PSD3: variants seen among roughly 807,000 people sequenced by gnomAD.
The protein encoded by PSD3 is PH and SEC7 domain-containing protein 3.
A neutral mutation model predicts 105.5 loss-of-function variants in PSD3; 49 were observed. The observed-to-expected ratio is 0.46, with a 90% CI of 0.37 to 0.59. The LOEUF is 0.59. PSD3 is among the 20% of genes least tolerant of loss of function. The pLI, the probability that PSD3 is intolerant of heterozygous loss-of-function variation, is 0.00. For missense variants in PSD3, 1,561 were observed against 1,263.8 expected, an observed-to-expected ratio of 1.24 and a Z score of -3.57; for synonymous variants, 557 against 457.8, an observed-to-expected ratio of 1.22 and a Z score of -2.77.
chr8:19,072,120 G>C (rs11314291), intron 1 of PSD3, among the ~76,000 whole-genome samples: 61,360 of 130,914 alleles, frequency 0.47, 13,497 homozygotes, highest in East Asian at 0.74. Flanking sequence ...TTTTTTTTTT[G>C]TGACGGAGTC....
rs1215460486 is a variant in PSD3 at position 18,616,623 on chromosome 8, C to CTTTTT, written c.2410+15989_2410+15990insAAAAA. The stretch of plus-strand genomic sequence containing the variant: ...GCCAGGCCTCATCTTCCTCTCTTTT[C>CTTTTT]TTTTCTTTTTTTTTTTTTGAGACGG... On this transcript the variant is annotated intron_variant, in intron 11 of 15. Coordinates refer to ENST00000327040, the MANE Select transcript of PSD3 (RefSeq NM_015310.4). 7.3e-4 allele frequency among the ~76,000 whole-genome samples: 72 copies of CTTTTT among 98,510 alleles called. 3 individuals carry two copies. The highest frequency in any genetic ancestry group is 1.4e-3 in the East Asian group (5 of 3,516). The allele number at this position is 98,510 out of a possible 152,430, so 64.6% of individuals were successfully genotyped here.
chr8:18,624,615 A>C (rs181845704), intron 11 of PSD3, among the ~76,000 whole-genome samples: 1 of 149,308 alleles, frequency 6.7e-6, no homozygotes, highest in African/African-American at 2.5e-5. Flanking sequence ...GCAGCACACC[A>C]GCATGGCACA....
chr8:19,071,821 T>C (rs1829274382), intron 1 of PSD3, among the ~76,000 whole-genome samples: 1 of 152,120 alleles, frequency 6.6e-6, no homozygotes, highest in African/African-American at 2.4e-5. Context: ...GAGATTCTCC[T>C]GCCTCACCCT....
At chr8:18,920,017 TAAA>T (rs11288084) in intron 2 of PSD3, among the ~76,000 whole-genome samples, 1 of 114,676 alleles carries the variant, frequency 8.7e-6, no homozygotes, top group Admixed American at 9.1e-5. Context: ...ATAAATAAAT[TAAA>T]AAAAAAAAAA....
At chr8:18,734,555 A>C (rs1381976675) in intron 9 of PSD3, 2 of 152,158 alleles carry the variant, frequency 1.3e-5, no homozygotes, top group African/African-American at 4.8e-5. Context: ...TCTCCATTTC[A>C]TTTATTTGCT....
At chr8:18,913,972 C>T (rs1820411995) in intron 2 of PSD3, among the ~76,000 whole-genome samples, 1 of 152,116 alleles carries the variant, frequency 6.6e-6, no homozygotes, top group African/African-American at 2.4e-5. Context: ...AGGCTCTAGG[C>T]CCAACTCAAC....
intron 1 of PSD3, among the ~76,000 whole-genome samples, chr8:19,035,200 A>T (rs1039799929): frequency 3.3e-5 from 5 of 152,222 alleles, no homozygotes; most frequent in African/African-American, 1.2e-4. Context: ...TTATCATCTT[A>T]AACATATTAT....
intron 1 of PSD3, among the ~76,000 whole-genome samples, chr8:18,983,775 G>A (rs920621887): frequency 1.3e-5 from 2 of 151,894 alleles, no homozygotes; most frequent in African/African-American, 2.4e-5. Flanking sequence ...GAGGCAAGAG[G>A]ATTGCTTGAG....
intron 1 of PSD3, among the ~76,000 whole-genome samples, chr8:18,947,356 G>A (rs776257834): frequency 6.6e-6 from 1 of 152,242 alleles, no homozygotes; most frequent in Non-Finnish European, 1.5e-5. Flanking sequence ...CCCGCTGCCA[G>A]CTTGTTTTTA....
At chr8:18,721,295 AAGGGGTGGGGAAGGCAC>A (rs59464798) in intron 9 of PSD3, 52,297 of 151,740 alleles carry the variant, frequency 0.34, 11,619 homozygotes, top group Non-Finnish European at 0.5. Flanking sequence ...ACAGGCTCCA[AAGGGGTGGGGAAGGCAC>A]CCAGGGGTGC....
intron 1 of PSD3, among the ~76,000 whole-genome samples, chr8:18,944,289 G>A (rs2129469590): frequency 6.6e-6 from 1 of 152,256 alleles, no homozygotes; most frequent in Middle Eastern, 3.4e-3. Flanking sequence ...GTTTAAGCCA[G>A]CCAGGCATGG....
Position 18,606,120 on chromosome 8 carries a change from CTGTG to C in PSD3, c.2411-5690_2411-5687del, listed in dbSNP as rs1480638417. On this transcript the variant is annotated intron_variant, in intron 11 of 15. Coordinates refer to ENST00000327040, the MANE Select transcript of PSD3 (RefSeq NM_015310.4). ...CACAGACTGCTGTTCTTTGAGCTTC[CTGTG>C]TATTATTTTGAAAAACCTGTAGACA... Among the ~76,000 whole-genome samples the C allele has an allele frequency of 5.3e-5, 8 of 152,184 alleles. No individual in the cohort carries two copies. In the East Asian group the frequency reaches 1.5e-3, roughly 29 times the overall value.
Position 18,536,305 on chromosome 8 carries a change from C to T in PSD3, c.2929-347G>A, listed in dbSNP as rs146645617. Among the ~76,000 whole-genome samples, 81 of 152,248 alleles carry T rather than the reference C, an allele frequency of 5.3e-4. No homozygotes were observed. In the East Asian group the frequency reaches 9.1e-3, roughly 17 times the overall value. Reference sequence around the variant, plus strand: ...AGGAGCTGTCACCTCTGGTTTTCGGCGGCTGCATGGCTCTTGTGGCTCTGT... The same window carrying T: ...AGGAGCTGTCACCTCTGGTTTTCGGTGGCTGCATGGCTCTTGTGGCTCTGT... On this transcript the variant is annotated intron_variant, in intron 15 of 15. Coordinates refer to ENST00000327040, the MANE Select transcript of PSD3 (RefSeq NM_015310.4).
At chr8:18,632,114 T>A (rs1806945730) in intron 11 of PSD3, among the ~76,000 whole-genome samples, 1 of 152,052 alleles carries the variant, frequency 6.6e-6, no homozygotes, top group African/African-American at 2.4e-5. Flanking sequence ...CTCTCCTACA[T>A]CTCACCTGTC....
chr8:19,066,269 A>C lies in PSD3; in HGVS notation c.324+17937T>G, dbSNP rs186057858. Among the ~76,000 whole-genome samples the C allele has an allele frequency of 6.9e-4, 105 of 152,348 alleles. 1 individual carries two copies. The highest frequency in any genetic ancestry group is 2.5e-3 in the African/African-American group (102 of 41,586). On this transcript the variant is annotated intron_variant, in intron 1 of 1. Coordinates refer to the PSD3 transcript ENST00000521475. ...AGTTTTATAACTTAAGGCTTATTAGAAAATTTGATTACACAATCCATCTCA... is the reference window on the plus strand; with the variant it reads ...AGTTTTATAACTTAAGGCTTATTAGCAAATTTGATTACACAATCCATCTCA...
chr8:18,610,333 T>A (rs182929551), intron 11 of PSD3, among the ~76,000 whole-genome samples: 6 of 152,306 alleles, frequency 3.9e-5, no homozygotes, highest in Non-Finnish European at 7.4e-5. Context: ...TCTTGGCCAA[T>A]CCCAGTGGTT....
At position 18,752,610 on chromosome 8, in the gene PSD3, TAC is replaced by T. The variant is rs59168690; in HGVS notation, c.2172+12837_2172+12838del. On this transcript the variant is annotated intron_variant, in intron 9 of 15. Transcript: ENST00000327040. ...ATTATATATTATATATTATATATAA[TAC>T]ATATAATATATATTATATATAATAT... is the stretch of plus-strand genomic sequence containing the variant. Among the ~76,000 whole-genome samples the T allele has an allele frequency of 8.3e-4, 59 of 71,114 alleles. No individual in the cohort carries two copies. The South Asian group carries it at 0.015, about 19-fold the overall frequency. 46.7% of individuals were successfully genotyped at this position (71,114 alleles called of 152,430 possible).
At chr8:18,577,940 T>C (rs994896288) in intron 12 of PSD3, among the ~76,000 whole-genome samples, 1 of 152,074 alleles carries the variant, frequency 6.6e-6, no homozygotes, top group Non-Finnish European at 1.5e-5. Context: ...GTATTTTCTT[T>C]AGGTAGGTGG....
At chr8:18,536,515 T>A (rs532155460) in intron 15 of PSD3, among the ~76,000 whole-genome samples, 2 of 152,368 alleles carry the variant, frequency 1.3e-5, no homozygotes, top group East Asian at 1.9e-4. Context: ...GAAGCTGCTC[T>A]GGGTTTCCCT....
Sources: gnomAD v4.1 joint callset for allele counts (sites outside exome capture counted in the v4.1 genomes callset) on GRCh38, gnomAD v4.1.1 for gene constraint, MANE v1.5 for transcripts, NCBI Gene and HGNC (gene_info 2026-07-23, HGNC 2026-07-21) for gene names.